The following MYO1D variants were observed in gnomAD, a reference collection of about 807,000 sequenced individuals.
The protein encoded by MYO1D is myosin ID, also known as unconventional myosin-Id.
MYO1D carries 83 observed loss-of-function variants against 122.0 expected under a neutral mutation model. The ratio of observed to expected loss-of-function variants is 0.68; its 90% CI spans 0.57 to 0.82. MYO1D has a LOEUF of 0.82. Among genes scored for constraint, MYO1D ranks in the 40% least tolerant of loss-of-function variants. MYO1D has a pLI of 0.00. For synonymous variants in MYO1D, 464 were observed against 446.9 expected, an observed-to-expected ratio of 1.04 and a Z score of -0.48; for missense variants, 1,157 against 1,269.5, an observed-to-expected ratio of 0.91 and a Z score of 1.35.
chr17:32,736,653 TTCTGGAATTTTTATTTC>T (rs2089704743), intron 14 of MYO1D, among the ~76,000 whole-genome samples: 1 of 152,252 alleles, frequency 6.6e-6, no homozygotes, highest in South Asian at 2.1e-4. Flanking sequence ...TTATAGAAGG[TTCTGGAATTTTTATTTC>T]TTTACATGGC....
chr17:32,847,389 G>A (rs931514684), intron 1 of MYO1D, among the ~76,000 whole-genome samples: 10 of 152,146 alleles, frequency 6.6e-5, no homozygotes, highest in African/African-American at 1.7e-4. Flanking sequence ...TAAATCACTG[G>A]CCCTAAGCAG....
chr17:32,679,394 T>G (rs2088873092), intron 16 of MYO1D, among the ~76,000 whole-genome samples: 2 of 152,094 alleles, frequency 1.3e-5, no homozygotes, highest in African/African-American at 4.8e-5. Context: ...TGGTTTTAGG[T>G]CTAACGTTTA....
intron 16 of MYO1D, among the ~76,000 whole-genome samples, chr17:32,665,482 G>C (rs1265103881): frequency 6.6e-6 from 1 of 152,186 alleles, no homozygotes; most frequent in East Asian, 1.9e-4. Context: ...GTCTGATATT[G>C]AATCTTTCAC....
chr17:32,687,547 T>TG (rs2089035848), intron 16 of MYO1D, among the ~76,000 whole-genome samples: 1 of 152,092 alleles, frequency 6.6e-6, no homozygotes, highest in Non-Finnish European at 1.5e-5. Flanking sequence ...CTCACCATGT[T>TG]GCCCAGGCTG....
intron 20 of MYO1D, among the ~76,000 whole-genome samples, chr17:32,621,036 A>G (rs2087849359): frequency 1.3e-5 from 2 of 152,204 alleles, no homozygotes; most frequent in African/African-American, 4.8e-5. Flanking sequence ...CTAAAATGAC[A>G]TTCATTTATG....
In MYO1D at chr17:32,868,936, C is replaced by T. The variant is rs546846333; in HGVS notation, c.95+7842G>A. 1.7e-3 allele frequency among the ~76,000 whole-genome samples: 256 copies of T among 152,026 alleles called. 1 individual carries two copies. Among genetic ancestry groups the T allele is most frequent in the African/African-American group, 5.6e-3 (234 of 41,464 alleles). On this transcript the variant is annotated intron_variant, in intron 1 of 21. Transcript: ENST00000318217. ...CTATTCAAGAGATCTTGGCTGGGTT[C>T]GGTGGCTCATGCCTGTAATCTCAAA...
chr17:32,725,737 A>T (rs540504843), intron 14 of MYO1D, among the ~76,000 whole-genome samples: 6 of 151,940 alleles, frequency 3.9e-5, no homozygotes, highest in African/African-American at 4.8e-5. Context: ...AAAACTGATT[A>T]AAAAAAAGGG....
chr17:32,732,166 G>A (rs531614178), intron 14 of MYO1D, among the ~76,000 whole-genome samples: 1 of 152,338 alleles, frequency 6.6e-6, no homozygotes, highest in South Asian at 2.1e-4. Context: ...TGGGCCTGGA[G>A]GCACCCCTTG....
At chr17:32,748,860 T>A in intron 12 of MYO1D, 76 bp downstream of exon 12, 1 of 1,335,704 alleles carries the variant, frequency 7.5e-7, no homozygotes, top group Non-Finnish European at 1.1e-6. Flanking sequence ...TAAAACCAAT[T>A]TACATTTTTC....
intron 16 of MYO1D, among the ~76,000 whole-genome samples, chr17:32,701,809 G>A (rs2089252123): frequency 6.6e-6 from 1 of 152,068 alleles, no homozygotes; most frequent in African/African-American, 2.4e-5. Context: ...TCAAGTAATA[G>A]TCCAGCTTTG....
intron 1 of MYO1D, among the ~76,000 whole-genome samples, chr17:32,850,875 A>C (rs2090980243): frequency 6.6e-6 from 1 of 152,124 alleles, no homozygotes; most frequent in Non-Finnish European, 1.5e-5. Flanking sequence ...TTTATGAGAG[A>C]ATAAACCTCC....
chr17:32,613,670 G>C (rs921733712), intron 20 of MYO1D, among the ~76,000 whole-genome samples: 1 of 151,242 alleles, frequency 6.6e-6, no homozygotes, highest in African/African-American at 2.4e-5. Flanking sequence ...GCTACTCGGG[G>C]GGCTGAGGCA....
At chr17:32,641,770 T>C (rs957378372) in intron 19 of MYO1D, among the ~76,000 whole-genome samples, 5 of 152,246 alleles carry the variant, frequency 3.3e-5, no homozygotes, top group Admixed American at 1.3e-4. Flanking sequence ...CTCCCACTTG[T>C]TGATGGGGTT....
chr17:32,599,299 G>A (rs934965057), intron 21 of MYO1D, among the ~76,000 whole-genome samples: 8 of 151,802 alleles, frequency 5.3e-5, no homozygotes, highest in African/African-American at 1.9e-4. Flanking sequence ...CACTTTCTCT[G>A]CTCTTCCATA....
intron 10 of MYO1D, 73 bp downstream of exon 10, chr17:32,760,217 A>G: frequency 8.0e-7 from 1 of 1,242,502 alleles, no homozygotes; most frequent in Non-Finnish European, 1.2e-6. Context: ...ATCAAGAAAT[A>G]CCTAAAATAA....
At chr17:32,497,864 C>A (rs766707209) in intron 21 of MYO1D, 1 of 152,428 alleles carries the variant, frequency 6.6e-6, no homozygotes, top group Non-Finnish European at 1.5e-5. Flanking sequence ...TAGCTGTGGG[C>A]CCCTTTCCCT....
intron 1 of MYO1D, among the ~76,000 whole-genome samples, chr17:32,808,415 C>A (rs1016490816): frequency 6.7e-6 from 1 of 149,382 alleles, no homozygotes; most frequent in Admixed American, 6.7e-5. Context: ...TTAAGTAATA[C>A]GTCAATAATC....
At chr17:32,704,417 C>T (rs1358474297) in intron 16 of MYO1D, among the ~76,000 whole-genome samples, 3 of 152,072 alleles carry the variant, frequency 2.0e-5, no homozygotes, top group Non-Finnish European at 4.4e-5. Flanking sequence ...TGAAAATAAC[C>T]AGTGCATCAG....
At chr17:32,573,612 T>G (rs1162052552) in intron 21 of MYO1D, among the ~76,000 whole-genome samples, 3 of 152,044 alleles carry the variant, frequency 2.0e-5, no homozygotes, top group Non-Finnish European at 2.9e-5. Context: ...CTCGAACTCC[T>G]GGGCTCAAGC....
Sources: allele counts gnomAD v4.1 joint callset (sites outside exome capture counted in the v4.1 genomes callset), GRCh38; gene constraint gnomAD v4.1.1; transcripts MANE v1.5; gene names NCBI Gene and HGNC (gene_info 2026-07-23, HGNC 2026-07-21).